The following RSU1 variants were observed in gnomAD, a reference collection of about 807,000 sequenced individuals.
RSU1 encodes the protein Ras suppressor protein 1.
RSU1 carries 26 observed loss-of-function variants against 31.1 expected under a neutral mutation model. The observed-to-expected ratio is 0.84, with a 90% CI of 0.61 to 1.16. The LOEUF (loss-of-function observed/expected upper bound fraction) is 1.16. Ranked by LOEUF, RSU1 falls within the 50% of genes most tolerant of loss-of-function variation. RSU1 has a pLI of 0.00. For missense variants in RSU1, 320 were observed against 339.1 expected (o/e 0.94, Z 0.44); for synonymous variants, 164 against 136.3 (o/e 1.20, Z -1.41).
intron 8 of RSU1, among the ~76,000 whole-genome samples, chr10:16,606,324 G>T (rs2131463396): frequency 6.6e-6 from 1 of 152,186 alleles, no homozygotes; most frequent in Non-Finnish European, 1.5e-5. Context: ...TATTTTTATA[G>T]ATGGGATCTT....
intron 8 of RSU1, among the ~76,000 whole-genome samples, chr10:16,663,280 T>C (rs995529008): frequency 6.6e-6 from 1 of 152,160 alleles, no homozygotes; most frequent in Non-Finnish European, 1.5e-5. Flanking sequence ...AAGAAGCATG[T>C]GTGATGCTCT....
At chr10:16,718,097 T>TAAAAAAAAAAAA in intron 7 of RSU1, among the ~76,000 whole-genome samples, 1 of 136,198 alleles carries the variant, frequency 7.3e-6, no homozygotes, top group South Asian at 2.4e-4. Flanking sequence ...TCAATTTATT[T>TAAAAAAAAAAAA]AAAAAAAAAA....
chr10:16,593,909 G>C (rs572031515), intron 8 of RSU1, among the ~76,000 whole-genome samples: 1 of 152,344 alleles, frequency 6.6e-6, no homozygotes, highest in African/African-American at 2.4e-5. Flanking sequence ...ATGGGACAGA[G>C]AGCAATGGTG....
chr10:16,700,556 A>G (rs1215490416), intron 7 of RSU1, among the ~76,000 whole-genome samples: 1 of 152,168 alleles, frequency 6.6e-6, no homozygotes, highest in Non-Finnish European at 1.5e-5. Context: ...ACATAGACAA[A>G]GATTCTACAC....
chr10:16,769,532 C>G (rs930008080), intron 3 of RSU1, among the ~76,000 whole-genome samples: 2 of 152,148 alleles, frequency 1.3e-5, no homozygotes, highest in Non-Finnish European at 2.9e-5. Flanking sequence ...ACCACAGAGA[C>G]GTCAGAATCA....
At chr10:16,767,549 T>A (rs374555173) in intron 3 of RSU1, 4 of 152,048 alleles carry the variant, frequency 2.6e-5, no homozygotes, top group African/African-American at 9.7e-5. Flanking sequence ...CCATTCAAGC[T>A]AGACGAGGAA....
At chr10:16,732,622 T>C (rs1164598042) in intron 7 of RSU1, among the ~76,000 whole-genome samples, 1 of 152,214 alleles carries the variant, frequency 6.6e-6, no homozygotes, top group Non-Finnish European at 1.5e-5. Flanking sequence ...GTATTTTTGT[T>C]ATAGCAGCCC....
intron 8 of RSU1, among the ~76,000 whole-genome samples, chr10:16,650,221 A>G (rs1834656356): frequency 6.6e-6 from 1 of 152,194 alleles, no homozygotes; most frequent in Non-Finnish European, 1.5e-5. Flanking sequence ...AAAATTCTGT[A>G]TATTTGCAGA....
intron 8 of RSU1, among the ~76,000 whole-genome samples, chr10:16,601,896 C>T (rs910960546): frequency 1.3e-5 from 2 of 152,148 alleles, no homozygotes; most frequent in African/African-American, 4.8e-5. Context: ...GCCATCGGAA[C>T]TGGAAAAGGG....
At chr10:16,758,087 C>T (rs1275597870) in intron 4 of RSU1, among the ~76,000 whole-genome samples, 1 of 152,186 alleles carries the variant, frequency 6.6e-6, no homozygotes, top group African/African-American at 2.4e-5. Context: ...ATACCCACAA[C>T]ATTTAAGGAA....
chr10:16,713,060 T>C (rs1836055982), intron 7 of RSU1, among the ~76,000 whole-genome samples: 1 of 152,218 alleles, frequency 6.6e-6, no homozygotes, highest in African/African-American at 2.4e-5. Flanking sequence ...ACCTGCAAGG[T>C]TTCTGCTGAG....
At chr10:16,686,230 T>A (rs116354050) in intron 8 of RSU1, among the ~76,000 whole-genome samples, 1,678 of 152,256 alleles carry the variant, frequency 0.011, 31 homozygotes, top group African/African-American at 0.039. Context: ...TGTGTAGAGA[T>A]TAGAAACCAC....
intron 8 of RSU1, among the ~76,000 whole-genome samples, chr10:16,602,432 T>C (rs369994115): frequency 4.6e-5 from 7 of 152,338 alleles, no homozygotes; most frequent in African/African-American, 1.4e-4. Context: ...GAGGCTCCGA[T>C]AAACCCAGGC....
intron 8 of RSU1, among the ~76,000 whole-genome samples, chr10:16,674,874 A>T (rs12781286): frequency 0.18 from 27,318 of 151,908 alleles, 3,909 homozygotes; most frequent in African/African-American, 0.4. Context: ...CTCTACTAAA[A>T]ATACAAAGAT....
At chr10:16,709,219 C>A in intron 7 of RSU1, among the ~76,000 whole-genome samples, 1 of 146,664 alleles carries the variant, frequency 6.8e-6, no homozygotes, top group Non-Finnish European at 1.5e-5. Context: ...TTGTTCAATT[C>A]CCATCTATGA....
intron 7 of RSU1, among the ~76,000 whole-genome samples, chr10:16,729,327 T>C (rs1258456119): frequency 6.6e-6 from 1 of 152,196 alleles, no homozygotes; most frequent in Non-Finnish European, 1.5e-5. Context: ...AAATGAGCAC[T>C]CTTCGATTAT....
Position 16,817,358 on chromosome 10 carries a change from T to A in RSU1, c.-47A>T. On this transcript the variant is annotated 5_prime_UTR_variant, in exon 1 of 9. In the 5' UTR this introduces an upstream ATG that the reference lacks. Transcript: ENST00000345264. ...AGACGATGGGCGTGCAACCACAAGCTTCGGCAGAACGCACTCCAGCTGCCC... is the reference window on the plus strand; with the variant it reads ...AGACGATGGGCGTGCAACCACAAGCATCGGCAGAACGCACTCCAGCTGCCC... The A allele has an allele frequency of 2.4e-6, 1 of 413,866 alleles. No homozygotes were observed. The allele number at this position is 413,866 out of a possible 1,614,324, so 25.6% of individuals were successfully genotyped here. A position where few individuals can be genotyped will look rare whatever the true frequency, so the allele number is the denominator to read the frequency against.
chr10:16,744,409 C>T (rs1383341160), intron 7 of RSU1, among the ~76,000 whole-genome samples: 3 of 152,144 alleles, frequency 2.0e-5, no homozygotes, highest in East Asian at 3.9e-4. Context: ...AAAAAAATCC[C>T]CAATGAAATA....
At chr10:16,617,357 C>T (rs545918684) in intron 8 of RSU1, among the ~76,000 whole-genome samples, 31 of 152,278 alleles carry the variant, frequency 2.0e-4, no homozygotes, top group African/African-American at 7.2e-4. Context: ...AATGGAAGAA[C>T]ATTCCATGCT....
Sources: gnomAD v4.1 joint callset for allele counts (sites outside exome capture counted in the v4.1 genomes callset) on GRCh38, gnomAD v4.1.1 for gene constraint, MANE v1.5 for transcripts, NCBI Gene and HGNC (gene_info 2026-07-23, HGNC 2026-07-21) for gene names.